The following ZBTB7C variants were observed in gnomAD, a reference collection of about 807,000 sequenced individuals.
ZBTB7C encodes zinc finger and BTB domain-containing protein 7C.
Under a neutral mutation model 25.7 loss-of-function variants are expected in ZBTB7C, and 8 were observed. The ratio of observed to expected loss-of-function variants is 0.31; its 90% CI spans 0.18 to 0.56. The LOEUF is 0.56. Ranked by LOEUF, ZBTB7C falls within the 20% of genes least tolerant of loss-of-function variation. The pLI, the probability that ZBTB7C is intolerant of heterozygous loss-of-function variation, is 0.91. For synonymous variants in ZBTB7C, 394 were observed against 369.0 expected (o/e 1.07, Z -0.78); for missense variants, 824 against 855.2 (o/e 0.96, Z 0.46).
intron 2 of ZBTB7C, among the ~76,000 whole-genome samples, chr18:48,291,286 G>A (rs1274691526): frequency 6.6e-6 from 1 of 151,806 alleles, no homozygotes; most frequent in African/African-American, 2.4e-5. Flanking sequence ...CAGGGAGGGT[G>A]GTGGTGAGGG....
intron 3 of ZBTB7C, among the ~76,000 whole-genome samples, chr18:48,151,331 C>T (rs1365100522): frequency 6.6e-6 from 1 of 152,162 alleles, no homozygotes; most frequent in Non-Finnish European, 1.5e-5. Flanking sequence ...TTAGGATGAG[C>T]ATCCTTAGAC....
intron 2 of ZBTB7C, among the ~76,000 whole-genome samples, chr18:48,224,414 G>A (rs2043037957): frequency 6.6e-6 from 1 of 152,180 alleles, no homozygotes; most frequent in South Asian, 2.1e-4. Flanking sequence ...AGGTTCATGG[G>A]ACACAAGGAG....
intron 2 of ZBTB7C, among the ~76,000 whole-genome samples, chr18:48,268,196 CA>C (rs1404060995): frequency 1.3e-5 from 2 of 152,218 alleles, no homozygotes; most frequent in Non-Finnish European, 2.9e-5. Flanking sequence ...GCACGCTTTT[CA>C]TAATTACAAG....
At chr18:48,047,780 A>G (rs1032110492) in intron 3 of ZBTB7C, among the ~76,000 whole-genome samples, 1 of 152,194 alleles carries the variant, frequency 6.6e-6, no homozygotes, top group African/African-American at 2.4e-5. Context: ...AATAGCTACC[A>G]TTTATTGAAT....
At chr18:48,158,875 TG>T (rs1287352764) in intron 3 of ZBTB7C, among the ~76,000 whole-genome samples, 1 of 152,126 alleles carries the variant, frequency 6.6e-6, no homozygotes, top group Admixed American at 6.5e-5. Context: ...ATGAAGCCGC[TG>T]GGGGAAGGGA....
At chr18:48,265,926 GA>G (rs1306686946) in intron 2 of ZBTB7C, among the ~76,000 whole-genome samples, 3 of 152,190 alleles carry the variant, frequency 2.0e-5, no homozygotes, top group Non-Finnish European at 2.9e-5. Context: ...TGAGGATTAT[GA>G]AGCAGCAGCA....
intron 3 of ZBTB7C, among the ~76,000 whole-genome samples, chr18:48,084,820 C>T (rs1032637882): frequency 2.6e-5 from 4 of 152,130 alleles, no homozygotes; most frequent in African/African-American, 9.7e-5. Context: ...ATGGTGGCTG[C>T]TTGTATGGGG....
At chr18:48,039,136 G>C (rs1306229830) in intron 4 of ZBTB7C, among the ~76,000 whole-genome samples, 1 of 152,204 alleles carries the variant, frequency 6.6e-6, no homozygotes, top group Non-Finnish European at 1.5e-5. Flanking sequence ...ATAATGTATT[G>C]ATTTCAAATT....
chr18:48,409,750 C>A (rs1301805488), upstream of ZBTB7C, among the ~76,000 whole-genome samples: 8 of 151,988 alleles, frequency 5.3e-5, no homozygotes. Flanking sequence ...AGTGGGGGGG[C>A]CGGGCACCGC....
intron 2 of ZBTB7C, among the ~76,000 whole-genome samples, chr18:48,313,464 C>T (rs1236108517): frequency 6.6e-6 from 1 of 152,194 alleles, no homozygotes; most frequent in Non-Finnish European, 1.5e-5. Context: ...TAAACCCCCT[C>T]CCCTGCTCCC....
chr18:48,379,457 C>T (rs1402220070), intron 1 of ZBTB7C, among the ~76,000 whole-genome samples: 1 of 152,162 alleles, frequency 6.6e-6, no homozygotes, highest in African/African-American at 2.4e-5. Context: ...ACTATGGAGT[C>T]TTCCTATCCA....
chr18:48,166,718 T>C (rs2041258490), intron 3 of ZBTB7C, among the ~76,000 whole-genome samples: 1 of 152,170 alleles, frequency 6.6e-6, no homozygotes, highest in African/African-American at 2.4e-5. Flanking sequence ...TCCAGGGGCC[T>C]GGGCACTACA....
At chr18:48,148,215 G>A (rs564398307) in intron 3 of ZBTB7C, 1 of 145,798 alleles carries the variant, frequency 6.9e-6, no homozygotes, top group African/African-American at 2.6e-5. Flanking sequence ...TACTATGCTA[G>A]CCAGTCTGGT....
intron 1 of ZBTB7C, among the ~76,000 whole-genome samples, chr18:48,364,537 A>G (rs2047180837): frequency 6.6e-6 from 1 of 152,236 alleles, no homozygotes; most frequent in Non-Finnish European, 1.5e-5. Context: ...TGAAGAGACC[A>G]GTTTGACTGG....
Position 48,189,946 on chromosome 18 carries a change from C to T in ZBTB7C, c.-78-3951G>A, listed in dbSNP as rs147967141. 9.5e-4 allele frequency among the ~76,000 whole-genome samples: 144 copies of T among 152,292 alleles called. No homozygotes were observed. The East Asian group carries it at 0.022, about 24-fold the overall frequency. The stretch of plus-strand genomic sequence containing the variant: ...CGGGGCAGATGCTCCTGGCTCTTCC[C>T]GACAGGTGAGAAATGGAAGCAACAT... On this transcript the variant is annotated intron_variant, in intron 2 of 4. Coordinates refer to ENST00000590800, the MANE Select transcript of ZBTB7C (RefSeq NM_001318841.2).
At chr18:48,398,894 A>C (rs548134308) in intron 1 of ZBTB7C, among the ~76,000 whole-genome samples, 2 of 152,354 alleles carry the variant, frequency 1.3e-5, no homozygotes, top group African/African-American at 4.8e-5. Context: ...TATCCTTTGA[A>C]GTGTCTTGTG....
intron 2 of ZBTB7C, among the ~76,000 whole-genome samples, chr18:48,276,637 T>G: frequency 2.3e-5 from 2 of 87,216 alleles, no homozygotes; most frequent in African/African-American, 9.0e-5. Context: ...AACTCATCAT[T>G]TTTTATGGCT....
chr18:48,105,843 G>C (rs1415156529), intron 3 of ZBTB7C, among the ~76,000 whole-genome samples: 1 of 152,174 alleles, frequency 6.6e-6, no homozygotes, highest in African/African-American at 2.4e-5. Flanking sequence ...CGCAATACCT[G>C]GCTCCAGCAT....
In ZBTB7C at chr18:48,040,907, G is replaced by T. The variant is rs1052152294; in HGVS notation, c.201C>A (p.Thr67=). The T allele has an allele frequency of 9.5e-5, 154 of 1,614,032 alleles. No individual in the cohort carries two copies. The highest frequency in any genetic ancestry group is 1.3e-4 in the Non-Finnish European group (148 of 1,180,036). ...CATAGACGTAGGGCTGGCTGGCTAG[G>T]GTGCCGGCTGTGAAAAGCTTCTTGA... ...KYFKKLFTAG[T]LASQPYVYEI... Residue 67 remains threonine (T), a synonymous_variant, in exon 4 of 5, where the codon ACC becomes ACA. Coordinates refer to ENST00000590800, the MANE Select transcript of ZBTB7C (RefSeq NM_001318841.2).
Sources: gnomAD v4.1 joint callset for allele counts (sites outside exome capture counted in the v4.1 genomes callset) on GRCh38, gnomAD v4.1.1 for gene constraint, MANE v1.5 for transcripts, NCBI Gene and HGNC (gene_info 2026-07-23, HGNC 2026-07-21) for gene names.